Variants in EXT2 observed in about 807,000 individuals in gnomAD.
EXT2 encodes the protein exostosin-2.
A neutral mutation model predicts 81.6 loss-of-function variants in EXT2; 53 were observed. The observed-to-expected ratio is 0.65, with a 90% CI of 0.52 to 0.82. EXT2 has a LOEUF of 0.82. EXT2 is among the 40% of genes least tolerant of loss of function. The probability of loss-of-function intolerance (pLI) is 0.00; values close to 1 mark genes in which losing one functional copy is unlikely to be tolerated. For synonymous variants in EXT2, 320 were observed against 340.0 expected, an observed-to-expected ratio of 0.94 and a Z score of 0.65; for missense variants, 774 against 910.2, an observed-to-expected ratio of 0.85 and a Z score of 1.93.
chr11:44,147,727 ATTT>A (rs5791607), intron 7 of EXT2, among the ~76,000 whole-genome samples: 1 of 137,098 alleles, frequency 7.3e-6, no homozygotes, highest in African/African-American at 2.8e-5. Flanking sequence ...CCCCCAGCTA[ATTT>A]TTTTTTTTTT....
chr11:44,240,277 A>G (rs1465172123), intron 13 of EXT2, among the ~76,000 whole-genome samples: 1 of 152,246 alleles, frequency 6.6e-6, no homozygotes, highest in Non-Finnish European at 1.5e-5. Flanking sequence ...AACTGAAAAC[A>G]GAGAGGCAAC....
At chr11:44,222,318 G>T (rs143068364) in intron 10 of EXT2, among the ~76,000 whole-genome samples, 1 of 152,150 alleles carries the variant, frequency 6.6e-6, no homozygotes, top group Non-Finnish European at 1.5e-5. Context: ...TTGATTGAAA[G>T]CCTCTTCTCC....
intron 7 of EXT2, among the ~76,000 whole-genome samples, chr11:44,160,657 G>A (rs979852419): frequency 2.0e-5 from 3 of 152,194 alleles, no homozygotes; most frequent in African/African-American, 7.2e-5. Context: ...GGATTTTGAA[G>A]GATATTGAAT....
chr11:44,141,998 T>G (rs940656050), intron 7 of EXT2, among the ~76,000 whole-genome samples: 3 of 152,222 alleles, frequency 2.0e-5, no homozygotes, highest in African/African-American at 7.2e-5. Flanking sequence ...GTCAATGTGT[T>G]TGGTAGAGAA....
chr11:44,179,434 C>T (rs1272647678), intron 8 of EXT2, among the ~76,000 whole-genome samples: 1 of 152,224 alleles, frequency 6.6e-6, no homozygotes, highest in Admixed American at 6.5e-5. Context: ...TGCTTCCTTA[C>T]ATCACACAGC....
chr11:44,143,796 G>A (rs1327513083), intron 7 of EXT2, among the ~76,000 whole-genome samples: 1 of 152,228 alleles, frequency 6.6e-6, no homozygotes, highest in Non-Finnish European at 1.5e-5. Context: ...GGACAGGGCT[G>A]CTGTGCTACC....
At chr11:44,223,164 T>C (rs1955800484) in intron 10 of EXT2, among the ~76,000 whole-genome samples, 1 of 152,220 alleles carries the variant, frequency 6.6e-6, no homozygotes, top group Non-Finnish European at 1.5e-5. Context: ...ACTGGACCAC[T>C]CATATATTGT....
rs1954508327 is a variant in EXT2, at chr11:44,132,546, ATC to A, written c.1173+2413_1173+2414del. Reference sequence around the variant, plus strand: ...ATGAAATGAAGGGGTTGGCTAAATAATCTCTCATGTTCCATGTGGCTGTTAAA... The same window carrying A: ...ATGAAATGAAGGGGTTGGCTAAATAATCTCATGTTCCATGTGGCTGTTAAA... On this transcript the variant is annotated intron_variant, in intron 7 of 13. Transcript: ENST00000533608. Among the ~76,000 whole-genome samples the A allele has an allele frequency of 3.3e-5, 5 of 152,152 alleles. No homozygotes were observed. The South Asian group carries it at 1.0e-3, about 32-fold the overall frequency.
chr11:44,184,890 A>G (rs1955289439), intron 8 of EXT2, among the ~76,000 whole-genome samples: 1 of 152,216 alleles, frequency 6.6e-6, no homozygotes, highest in African/African-American at 2.4e-5. Flanking sequence ...TATGGTAAAT[A>G]CAGTTGTCTT....
intron 5 of EXT2, among the ~76,000 whole-genome samples, chr11:44,125,474 C>G (rs1400038985): frequency 6.6e-6 from 1 of 152,122 alleles, no homozygotes; most frequent in Admixed American, 6.5e-5. Flanking sequence ...CATCTCCTGT[C>G]AGTAGCATGT....
intron 8 of EXT2, among the ~76,000 whole-genome samples, chr11:44,172,891 A>T (rs1424641019): frequency 6.6e-6 from 1 of 152,032 alleles, no homozygotes; most frequent in Non-Finnish European, 1.5e-5. Flanking sequence ...TACCTTTTCT[A>T]AATAGTGCTG....
At chr11:44,100,972 A>G (rs1334274696) in intron 1 of EXT2, among the ~76,000 whole-genome samples, 1 of 152,154 alleles carries the variant, frequency 6.6e-6, no homozygotes, top group Non-Finnish European at 1.5e-5. Context: ...TGCCTCCCAT[A>G]TGATTCTTGT....
intron 8 of EXT2, among the ~76,000 whole-genome samples, chr11:44,190,971 C>A (rs1046829471): frequency 6.6e-6 from 1 of 152,162 alleles, no homozygotes; most frequent in African/African-American, 2.4e-5. Context: ...GAATCTCTTT[C>A]CTGAAGGGGA....
intron 10 of EXT2, among the ~76,000 whole-genome samples, chr11:44,219,790 A>G (rs1044443341): frequency 1.3e-5 from 2 of 152,206 alleles, no homozygotes; most frequent in African/African-American, 2.4e-5. Flanking sequence ...TCTTACTTAC[A>G]TAGCTGAGGC....
intron 10 of EXT2, among the ~76,000 whole-genome samples, chr11:44,218,465 C>T (rs371763103): frequency 6.6e-6 from 1 of 152,102 alleles, no homozygotes. Context: ...TTTAATGTGA[C>T]AGGCAGAAAA....
intron 7 of EXT2, among the ~76,000 whole-genome samples, chr11:44,168,107 T>C (rs913476939): frequency 7.2e-5 from 11 of 152,042 alleles, no homozygotes; most frequent in African/African-American, 2.7e-4. Context: ...TTACTGAGAA[T>C]GATGGTTTCC....
At chr11:44,124,558 A>T (rs539380559) in intron 4 of EXT2, among the ~76,000 whole-genome samples, 1 of 152,126 alleles carries the variant, frequency 6.6e-6, no homozygotes, top group Non-Finnish European at 1.5e-5. Flanking sequence ...CCCAAATAAG[A>T]TGTGTTATGA....
intron 4 of EXT2, among the ~76,000 whole-genome samples, chr11:44,122,536 T>C (rs922011910): frequency 9.9e-5 from 15 of 152,156 alleles, no homozygotes; most frequent in Non-Finnish European, 1.8e-4. Flanking sequence ...AGGCTTGGAG[T>C]AGAACTCAAA....
Position 44,244,806 on chromosome 11 carries a change from A to G in EXT2, c.*519A>G. The G allele has an allele frequency of 4.0e-6, 1 of 252,172 alleles. No individual in the cohort carries two copies. The highest frequency in any genetic ancestry group is 4.8e-5 in the Admixed American group (1 of 20,676). 15.6% of individuals were successfully genotyped at this position (252,172 alleles called of 1,614,324 possible). A position where few individuals can be genotyped will look rare whatever the true frequency, so the allele number is the denominator to read the frequency against. On this transcript the variant is annotated 3_prime_UTR_variant, in exon 14 of 14. Transcript: ENST00000533608. ...GGTGGGATTTGATAAATGCCTTGGG[A>G]CCTGGAGTGCTGGGCTTGTGCACAG... is the stretch of plus-strand genomic sequence containing the variant.
Sources: gnomAD v4.1 joint callset for allele counts (sites outside exome capture counted in the v4.1 genomes callset) on GRCh38, gnomAD v4.1.1 for gene constraint, MANE v1.5 for transcripts, NCBI Gene and HGNC (gene_info 2026-07-23, HGNC 2026-07-21) for gene names.